POFUT3: variants seen among roughly 807,000 people sequenced by gnomAD.
POFUT3 encodes the protein GDP-fucose protein O-fucosyltransferase 3.
At chr8:33,423,824 A>T in the POFUT3 span, among the ~76,000 whole-genome samples, 1 of 125,374 alleles carries the variant, frequency 8.0e-6, no homozygotes, top group African/African-American at 3.5e-5. Flanking sequence ...CAAGTAAAAA[A>T]AAAAAAAAAA....
chr8:33,426,062 C>A, the POFUT3 span, among the ~76,000 whole-genome samples: 1 of 152,098 alleles, frequency 6.6e-6, no homozygotes, highest in Non-Finnish European at 1.5e-5. Flanking sequence ...TGCCACCATG[C>A]CCAGCTAATT....
chr8:33,388,995 T>G, the POFUT3 span: 1 of 1,614,162 alleles, frequency 6.2e-7, no homozygotes, highest in Middle Eastern at 1.6e-4. Flanking sequence ...GCCCACACCT[T>G]GGTGCACACC....
chr8:33,374,026 G>A, the POFUT3 span, among the ~76,000 whole-genome samples: 1 of 152,166 alleles, frequency 6.6e-6, no homozygotes, highest in South Asian at 2.1e-4. Context: ...TCCCTGGCCT[G>A]TTAGGAACCG....
chr8:33,459,156 A>G, the POFUT3 span, among the ~76,000 whole-genome samples: 1 of 152,088 alleles, frequency 6.6e-6, no homozygotes, highest in Admixed American at 6.6e-5. Flanking sequence ...CCTGGCCAAC[A>G]TGGCAAAACC....
chr8:33,381,433 G>A, the POFUT3 span, among the ~76,000 whole-genome samples: 1 of 152,044 alleles, frequency 6.6e-6, no homozygotes, highest in Non-Finnish European at 1.5e-5. Context: ...TTGACCTAAG[G>A]TACATCTGTC....
chr8:33,380,037 TAC>T, the POFUT3 span, among the ~76,000 whole-genome samples: 1 of 70,662 alleles, frequency 1.4e-5, no homozygotes, highest in Non-Finnish European at 2.4e-5. Flanking sequence ...ACTATATATA[TAC>T]GATATATATA....
At chr8:33,423,780 T>C in the POFUT3 span, among the ~76,000 whole-genome samples, 1 of 113,058 alleles carries the variant, frequency 8.8e-6, no homozygotes, top group East Asian at 2.7e-4. Flanking sequence ...ATATGGTCCA[T>C]AACTGAGAAG....
At chr8:33,468,073 C>T in the POFUT3 span, among the ~76,000 whole-genome samples, 1 of 151,954 alleles carries the variant, frequency 6.6e-6, no homozygotes, top group South Asian at 2.1e-4. Flanking sequence ...AACCTCATCT[C>T]TACAAAAAAT....
chr8:33,386,781 G>C, the POFUT3 span, among the ~76,000 whole-genome samples: 1 of 152,266 alleles, frequency 6.6e-6, no homozygotes, highest in South Asian at 2.1e-4. Flanking sequence ...CCGCACTCCA[G>C]CCAGAGAGAC....
chr8:33,340,311 A>C, the POFUT3 span, among the ~76,000 whole-genome samples: 1 of 151,604 alleles, frequency 6.6e-6, no homozygotes, highest in African/African-American at 2.4e-5. Flanking sequence ...GTGTAGATTC[A>C]TCAGTTGCAA....
chr8:33,398,891 C>A, the POFUT3 span, among the ~76,000 whole-genome samples: 1 of 152,024 alleles, frequency 6.6e-6, no homozygotes, highest in Non-Finnish European at 1.5e-5. Context: ...TCTTATGGGC[C>A]GGCATTTTTT....
the POFUT3 span, among the ~76,000 whole-genome samples, chr8:33,451,169 ATTTTT>A: frequency 6.6e-6 from 1 of 150,668 alleles, no homozygotes; most frequent in Non-Finnish European, 1.5e-5. Context: ...TAGATTTTGG[ATTTTT>A]TTTTAATTTG....
At chr8:33,389,930 C>G in the POFUT3 span, 1 of 663,188 alleles carries the variant, frequency 1.5e-6, no homozygotes, top group South Asian at 1.9e-5. Flanking sequence ...CACGGTGGCT[C>G]ACGCCTGTAA....
At chr8:33,388,862 A>G in the POFUT3 span, 7 of 911,864 alleles carry the variant, frequency 7.7e-6, no homozygotes, top group African/African-American at 1.6e-5. Flanking sequence ...ATAGGAATGA[A>G]GAACACTGAT....
At chr8:33,394,558 G>C in the POFUT3 span, among the ~76,000 whole-genome samples, 2 of 152,050 alleles carry the variant, frequency 1.3e-5, no homozygotes, top group Non-Finnish European at 2.9e-5. Context: ...GTAAGCCAGT[G>C]ATAAAGTTGT....
At chr8:33,376,483 C>T in the POFUT3 span, among the ~76,000 whole-genome samples, 1 of 152,138 alleles carries the variant, frequency 6.6e-6, no homozygotes, top group African/African-American at 2.4e-5. Flanking sequence ...GAAGTCCCTT[C>T]AAGTGAAGGG....
the POFUT3 span, among the ~76,000 whole-genome samples, chr8:33,317,873 A>G: frequency 6.6e-6 from 1 of 152,108 alleles, no homozygotes; most frequent in Non-Finnish European, 1.5e-5. Flanking sequence ...GGCCCCAGGC[A>G]TTTCCAGCCT....
the POFUT3 span, among the ~76,000 whole-genome samples, chr8:33,379,431 C>CA: frequency 7.3e-4 from 110 of 150,090 alleles, no homozygotes; most frequent in African/African-American, 2.3e-3. Context: ...AGAGAAAAAA[C>CA]AAAAAAACAA....
At chr8:33,397,031 C>A in the POFUT3 span, among the ~76,000 whole-genome samples, 1 of 152,206 alleles carries the variant, frequency 6.6e-6, no homozygotes, top group South Asian at 2.1e-4. Flanking sequence ...TCATAAATTA[C>A]AACTATTGTT....
Sources: gnomAD v4.1 joint callset for allele counts (sites outside exome capture counted in the v4.1 genomes callset) on GRCh38, gnomAD v4.1.1 for gene constraint, MANE v1.5 for transcripts, NCBI Gene and HGNC (gene_info 2026-07-23, HGNC 2026-07-21) for gene names.